HMCN1: variants seen among roughly 807,000 people sequenced by gnomAD.
The protein encoded by HMCN1 is hemicentin-1.
HMCN1 carries 321 observed loss-of-function variants against 625.9 expected under a neutral mutation model. The ratio of observed to expected loss-of-function variants is 0.51; its 90% CI spans 0.47 to 0.56. The LOEUF (loss-of-function observed/expected upper bound fraction) is 0.56, where lower values mean the gene tolerates loss of function less well. HMCN1 is among the 20% of genes least tolerant of loss of function. The pLI, the probability that HMCN1 is intolerant of heterozygous loss-of-function variation, is 0.00. For missense variants in HMCN1, 6,588 were observed against 6,887.3 expected, an observed-to-expected ratio of 0.96 and a Z score of 1.54; for synonymous variants, 2,425 against 2,417.6, an observed-to-expected ratio of 1.00 and a Z score of -0.09.
rs140314848 is a variant in HMCN1 at position 186,121,571 on chromosome 1, G to A, written c.12230-1380G>A. On this transcript the variant is annotated intron_variant, in intron 80 of 106. Transcript: ENST00000271588. ...GCTAGTGAGTAGATGATAGTGCCAT[G>A]TTGGAACGCAAGGGGAAGAACTGGG... is the stretch of plus-strand genomic sequence containing the variant. Among the ~76,000 whole-genome samples, 71 of 152,280 alleles carry A rather than the reference G, an allele frequency of 4.7e-4. No homozygotes were observed. The East Asian group carries it at 0.012, about 26-fold the overall frequency.
intron 54 of HMCN1, among the ~76,000 whole-genome samples, chr1:186,077,686 G>A (rs1199970156): frequency 2.0e-5 from 3 of 152,134 alleles, no homozygotes; most frequent in Non-Finnish European, 4.4e-5. Flanking sequence ...TCATAAGAAT[G>A]TATGTAAAAT....
intron 4 of HMCN1, among the ~76,000 whole-genome samples, chr1:185,882,718 T>C (rs1175864169): frequency 6.6e-6 from 1 of 152,158 alleles, no homozygotes; most frequent in African/African-American, 2.4e-5. Flanking sequence ...TTTTTTCATC[T>C]GATGCCATCA....
intron 1 of HMCN1, among the ~76,000 whole-genome samples, chr1:185,844,323 CT>C (rs1357733445): frequency 6.6e-6 from 1 of 152,128 alleles, no homozygotes; most frequent in Non-Finnish European, 1.5e-5. Context: ...TTCTCCACTC[CT>C]TTTTCAAACT....
intron 26 of HMCN1, 97 bp downstream of exon 26, chr1:186,000,336 G>A (rs1166978417): frequency 3.6e-6 from 3 of 843,276 alleles, no homozygotes; most frequent in Non-Finnish European, 5.9e-6. Flanking sequence ...TAATATTAAT[G>A]TGAATAGCAG....
intron 1 of HMCN1, among the ~76,000 whole-genome samples, chr1:185,757,460 C>T (rs1293548287): frequency 1.3e-5 from 2 of 152,090 alleles, no homozygotes; most frequent in African/African-American, 2.4e-5. Context: ...ATTCTCTCAG[C>T]CGAGAATGTT....
intron 14 of HMCN1, among the ~76,000 whole-genome samples, chr1:185,966,990 T>G (rs1650452666): frequency 6.6e-6 from 1 of 152,144 alleles, no homozygotes; most frequent in Admixed American, 6.6e-5. Flanking sequence ...CATTTCTGAG[T>G]TTGCTCCTTA....
At chr1:186,022,915 G>T in intron 35 of HMCN1, 115 bp from the exon 36 acceptor site, 1 of 1,034,338 alleles carries the variant, frequency 9.7e-7, no homozygotes, top group Non-Finnish European at 1.5e-6. Context: ...TTAAGATATT[G>T]GCATGAAAAT....
intron 51 of HMCN1, 49 bp from the exon 52 acceptor site, chr1:186,070,563 T>C (rs777737252): frequency 3.4e-6 from 5 of 1,475,494 alleles, no homozygotes; most frequent in South Asian, 1.1e-5. Flanking sequence ...TGGTATTCCA[T>C]GTATTGAAAA....
chr1:186,101,879 A>T, intron 68 of HMCN1, among the ~76,000 whole-genome samples: 1 of 152,132 alleles, frequency 6.6e-6, no homozygotes, highest in Non-Finnish European at 1.5e-5. Context: ...TGATACGAAA[A>T]TGAAAAAGCA....
chr1:185,960,081 C>CTGTATT (rs1649900011), intron 11 of HMCN1, among the ~76,000 whole-genome samples: 1 of 147,934 alleles, frequency 6.8e-6, no homozygotes, highest in African/African-American at 2.5e-5. Flanking sequence ...TTTTGCTCCT[C>CTGTATT]TGTATTTGTT....
intron 9 of HMCN1, among the ~76,000 whole-genome samples, chr1:185,926,084 C>T (rs1667261970): frequency 6.6e-6 from 1 of 152,164 alleles, no homozygotes; most frequent in African/African-American, 2.4e-5. Context: ...AAAAACTAAG[C>T]AAACCTTGAA....
intron 93 of HMCN1, among the ~76,000 whole-genome samples, chr1:186,148,855 A>T (rs948179808): frequency 3.3e-5 from 5 of 151,970 alleles, no homozygotes; most frequent in African/African-American, 1.2e-4. Flanking sequence ...TGAAAGCAAC[A>T]TTTATCTCCT....
intron 1 of HMCN1, among the ~76,000 whole-genome samples, chr1:185,740,192 A>G (rs1653882810): frequency 6.6e-6 from 1 of 152,156 alleles, no homozygotes; most frequent in Non-Finnish European, 1.5e-5. Flanking sequence ...AGGGTTCTGA[A>G]CATAGAAGTG....
At chr1:185,864,316 A>G (rs557812940) in intron 2 of HMCN1, among the ~76,000 whole-genome samples, 154 bp from the exon 3 acceptor site, 3 of 152,316 alleles carry the variant, frequency 2.0e-5, no homozygotes, top group South Asian at 2.1e-4. Flanking sequence ...ATCACTTTAC[A>G]TATCTTCCAT....
chr1:185,834,944 A>G (rs972279778), intron 1 of HMCN1, among the ~76,000 whole-genome samples: 11 of 152,208 alleles, frequency 7.2e-5, no homozygotes, highest in African/African-American at 2.7e-4. Context: ...TAGAAAAAAT[A>G]TAAATAAAAA....
chr1:185,926,452 G>A (rs1667282864), intron 9 of HMCN1, among the ~76,000 whole-genome samples: 1 of 152,126 alleles, frequency 6.6e-6, no homozygotes, highest in South Asian at 2.1e-4. Flanking sequence ...AAATGATGAA[G>A]CTACATAACT....
chr1:185,964,351 C>T (rs1650245814), intron 13 of HMCN1, among the ~76,000 whole-genome samples: 3 of 152,054 alleles, frequency 2.0e-5, no homozygotes, highest in Non-Finnish European at 4.4e-5. Flanking sequence ...AATTATTCTA[C>T]AGAATATTTC....
chr1:185,963,984 G>A, intron 13 of HMCN1, 89 bp downstream of exon 13: 1 of 1,038,550 alleles, frequency 9.6e-7, no homozygotes, highest in Non-Finnish European at 1.5e-6. Context: ...ATTAATATTA[G>A]TAATGCATAC....
intron 4 of HMCN1, among the ~76,000 whole-genome samples, chr1:185,869,326 C>A (rs1048506433): frequency 2.0e-5 from 3 of 152,058 alleles, no homozygotes; most frequent in Admixed American, 2.0e-4. Flanking sequence ...ATAGAATTAT[C>A]CTTTTCAGAA....
Sources: allele counts gnomAD v4.1 joint callset (sites outside exome capture counted in the v4.1 genomes callset), GRCh38; gene constraint gnomAD v4.1.1; transcripts MANE v1.5; gene names NCBI Gene and HGNC (gene_info 2026-07-23, HGNC 2026-07-21).